Variants in CFAP299 observed in about 807,000 individuals in gnomAD.
The protein encoded by CFAP299 is cilia and flagella associated protein 299, also known as cilia- and flagella-associated protein 299.
A neutral mutation model predicts 27.0 loss-of-function variants in CFAP299; 21 were observed. That is an observed-to-expected ratio of 0.78 (90% confidence interval 0.55 to 1.12). The LOEUF is 1.12. Among genes scored for constraint, CFAP299 ranks in the 50% most tolerant of loss-of-function variants. The probability of loss-of-function intolerance (pLI) is 0.00; values close to 1 mark genes in which losing one functional copy is unlikely to be tolerated. For synonymous variants in CFAP299, 104 were observed against 98.1 expected, an observed-to-expected ratio of 1.06 and a Z score of -0.36; for missense variants, 310 against 276.6, an observed-to-expected ratio of 1.12 and a Z score of -0.86.
chr4:80,743,590 C>T (rs2110065947), intron 3 of CFAP299, among the ~76,000 whole-genome samples: 1 of 152,294 alleles, frequency 6.6e-6, no homozygotes, highest in African/African-American at 2.4e-5. Flanking sequence ...TGAAAAGAGA[C>T]TACCATTCAG....
chr4:80,353,806 T>A (rs1305145105), intron 1 of CFAP299, among the ~76,000 whole-genome samples: 2 of 152,124 alleles, frequency 1.3e-5, no homozygotes, highest in East Asian at 3.9e-4. Context: ...TACTTAAGAA[T>A]TGAGTATAAA....
At chr4:80,803,212 T>G (rs1305977238) in intron 3 of CFAP299, among the ~76,000 whole-genome samples, 1 of 152,066 alleles carries the variant, frequency 6.6e-6, no homozygotes, top group Non-Finnish European at 1.5e-5. Flanking sequence ...TTTTAGGAAT[T>G]AGATGTGTAC....
intron 3 of CFAP299, among the ~76,000 whole-genome samples, chr4:80,800,192 C>G (rs1400940785): frequency 3.5e-5 from 2 of 57,590 alleles, no homozygotes; most frequent in Admixed American, 6.9e-4. Context: ...ATATGTAATA[C>G]TATATAATAT....
At chr4:80,759,007 A>G (rs1176854147) in intron 3 of CFAP299, among the ~76,000 whole-genome samples, 2 of 152,200 alleles carry the variant, frequency 1.3e-5, no homozygotes, top group African/African-American at 4.8e-5. Flanking sequence ...TGAAGTTCAA[A>G]TTATTTCAAA....
intron 3 of CFAP299, among the ~76,000 whole-genome samples, chr4:80,706,833 A>G (rs1204510175): frequency 6.6e-6 from 1 of 151,886 alleles, no homozygotes; most frequent in Non-Finnish European, 1.5e-5. Context: ...GCTGCTCCTG[A>G]GCTTTAGTAT....
intron 3 of CFAP299, among the ~76,000 whole-genome samples, chr4:80,838,833 A>G (rs950925596): frequency 2.0e-5 from 3 of 152,076 alleles, no homozygotes; most frequent in Non-Finnish European, 4.4e-5. Flanking sequence ...TTGAGTGGAT[A>G]TGTTGCCTAA....
chr4:80,708,502 A>G (rs1007573163), intron 3 of CFAP299, among the ~76,000 whole-genome samples: 1 of 152,194 alleles, frequency 6.6e-6, no homozygotes, highest in African/African-American at 2.4e-5. Flanking sequence ...CTCTTCGTAT[A>G]CAAATTCAAT....
chr4:80,773,871 G>A (rs1463446679), intron 3 of CFAP299, among the ~76,000 whole-genome samples: 2 of 151,852 alleles, frequency 1.3e-5, no homozygotes, highest in Non-Finnish European at 1.5e-5. Flanking sequence ...ATATTTTGGA[G>A]TTTAATATTA....
At position 80,336,609 on chromosome 4, in the gene CFAP299, C is replaced by G. The variant is rs982044049; in HGVS notation, c.111+730C>G. 3.3e-5 allele frequency: 5 copies of G among 152,240 alleles called. No individual in the cohort carries two copies. The East Asian group carries it at 9.6e-4, about 29-fold the overall frequency. The allele number at this position is 152,240 out of a possible 1,614,324, so 9.4% of individuals were successfully genotyped here. A position where few individuals can be genotyped will look rare whatever the true frequency, so the allele number is the denominator to read the frequency against. On this transcript the variant is annotated intron_variant, in intron 1 of 5. Transcript: ENST00000358105. ...TGGGGGACAGAGTGGAGTTCTTGTC[C>G]TGTGCCACGGGAGAACCCGGACGCG...
intron 3 of CFAP299, among the ~76,000 whole-genome samples, chr4:80,859,589 CT>C (rs535307012): frequency 8.5e-4 from 129 of 152,192 alleles, no homozygotes; most frequent in African/African-American, 3.0e-3. Flanking sequence ...TTCAGGAACT[CT>C]TTTAGGGCAG....
chr4:80,535,124 AG>A (rs997429557), intron 2 of CFAP299, among the ~76,000 whole-genome samples: 2 of 151,748 alleles, frequency 1.3e-5, no homozygotes, highest in African/African-American at 4.8e-5. Context: ...CAATCTGGGT[AG>A]GACAAAGCAC....
At chr4:80,374,841 G>T (rs930420435) in intron 2 of CFAP299, among the ~76,000 whole-genome samples, 1 of 152,054 alleles carries the variant, frequency 6.6e-6, no homozygotes, top group Non-Finnish European at 1.5e-5. Context: ...CCCTTCAGTG[G>T]CATGGCATCC....
chr4:80,912,559 G>A (rs1426266847), intron 4 of CFAP299, among the ~76,000 whole-genome samples: 1 of 152,130 alleles, frequency 6.6e-6, no homozygotes, highest in Non-Finnish European at 1.5e-5. Flanking sequence ...AAAGGGGTAG[G>A]GTGTTAACAG....
intron 3 of CFAP299, among the ~76,000 whole-genome samples, chr4:80,744,313 C>T (rs1379121823): frequency 6.9e-6 from 1 of 145,104 alleles, no homozygotes; most frequent in African/African-American, 2.6e-5. Context: ...AAATTCTGAT[C>T]AAGAGACCTG....
chr4:80,402,251 C>T (rs181852824), intron 2 of CFAP299, among the ~76,000 whole-genome samples: 124 of 152,092 alleles, frequency 8.2e-4, no homozygotes, highest in Middle Eastern at 3.4e-3. Context: ...TGTGAGGAAA[C>T]GAGATTTGGA....
intron 3 of CFAP299, among the ~76,000 whole-genome samples, chr4:80,607,833 A>C (rs1239613846): frequency 6.6e-6 from 1 of 152,184 alleles, no homozygotes; most frequent in African/African-American, 2.4e-5. Flanking sequence ...CAAAGGTGAA[A>C]TACTTGCTTT....
intron 3 of CFAP299, among the ~76,000 whole-genome samples, chr4:80,670,689 T>C (rs1174758360): frequency 6.6e-6 from 1 of 152,176 alleles, no homozygotes; most frequent in East Asian, 1.9e-4. Context: ...TTCTAACTGG[T>C]GTGAGATGGT....
chr4:80,762,279 A>C (rs1725580841), intron 3 of CFAP299, among the ~76,000 whole-genome samples: 1 of 152,132 alleles, frequency 6.6e-6, no homozygotes. Context: ...AAATTCTGAC[A>C]GGAGGAAATA....
chr4:80,861,740 C>T (rs1052196939), intron 3 of CFAP299, among the ~76,000 whole-genome samples: 1 of 151,956 alleles, frequency 6.6e-6, no homozygotes, highest in Non-Finnish European at 1.5e-5. Context: ...AAATATTTTG[C>T]AAAATGTTAT....
Sources: allele counts gnomAD v4.1 joint callset (sites outside exome capture counted in the v4.1 genomes callset), GRCh38; gene constraint gnomAD v4.1.1; transcripts MANE v1.5; gene names NCBI Gene and HGNC (gene_info 2026-07-23, HGNC 2026-07-21).